NR6A1: variants seen among roughly 807,000 people sequenced by gnomAD.
NR6A1 encodes retinoic acid receptor-related testis-associated receptor.
NR6A1 carries 7 observed loss-of-function variants against 59.1 expected under a neutral mutation model. The ratio of observed to expected loss-of-function variants is 0.12; its 90% CI spans 0.07 to 0.22. The LOEUF (loss-of-function observed/expected upper bound fraction) is 0.22. Among genes scored for constraint, NR6A1 ranks in the 10% least tolerant of loss-of-function variants. The pLI, the probability that NR6A1 is intolerant of heterozygous loss-of-function variation, is 1.00. For missense variants in NR6A1, 468 were observed against 611.6 expected (o/e 0.77, Z 2.48); for synonymous variants, 243 against 236.1 (o/e 1.03, Z -0.27).
At chr9:124,644,413 G>A (rs1023894078) in intron 2 of NR6A1, among the ~76,000 whole-genome samples, 1 of 150,914 alleles carries the variant, frequency 6.6e-6, no homozygotes, top group African/African-American at 2.4e-5. Flanking sequence ...CACTACCCCG[G>A]CTAACTTTTT....
At chr9:124,663,310 G>C (rs1021629926) in intron 2 of NR6A1, among the ~76,000 whole-genome samples, 8 of 152,162 alleles carry the variant, frequency 5.3e-5, no homozygotes, top group African/African-American at 9.7e-5. Flanking sequence ...AAATAAATTG[G>C]ACGTGATAAA....
At chr9:124,672,544 G>A (rs1837827378) in intron 2 of NR6A1, among the ~76,000 whole-genome samples, 1 of 151,974 alleles carries the variant, frequency 6.6e-6, no homozygotes, top group Non-Finnish European at 1.5e-5. Flanking sequence ...GACCCTGGGA[G>A]GCAGAGGTTG....
At chr9:124,541,450 TTGTA>T (rs2131358746) in intron 4 of NR6A1, among the ~76,000 whole-genome samples, 1 of 152,266 alleles carries the variant, frequency 6.6e-6, no homozygotes, top group South Asian at 2.1e-4. Flanking sequence ...GTTATGTCTG[TTGTA>T]TGTAAAAGAA....
chr9:124,637,833 A>C (rs1035323931), intron 2 of NR6A1, among the ~76,000 whole-genome samples: 1 of 142,976 alleles, frequency 7.0e-6, no homozygotes, highest in Non-Finnish European at 1.5e-5. Context: ...CAGAAGTTGC[A>C]GTGAGCTGAG....
intron 2 of NR6A1, among the ~76,000 whole-genome samples, chr9:124,574,189 G>T (rs1440108604): frequency 1.3e-5 from 2 of 152,164 alleles, no homozygotes; most frequent in Admixed American, 6.5e-5. Context: ...CAAAGTAGGT[G>T]CTCAGAAATA....
chr9:124,530,768 A>C (rs1833077486), intron 7 of NR6A1, among the ~76,000 whole-genome samples: 1 of 152,256 alleles, frequency 6.6e-6, no homozygotes, highest in South Asian at 2.1e-4. Flanking sequence ...GACGAAAACT[A>C]AGACTAGTTT....
chr9:124,707,367 T>C (rs1839164421), intron 2 of NR6A1, among the ~76,000 whole-genome samples: 1 of 152,182 alleles, frequency 6.6e-6, no homozygotes, highest in African/African-American at 2.4e-5. Context: ...ATTGAAATTC[T>C]CTATGTACTA....
At chr9:124,541,550 G>A (rs1475726586) in intron 4 of NR6A1, among the ~76,000 whole-genome samples, 1 of 152,194 alleles carries the variant, frequency 6.6e-6, no homozygotes, top group Non-Finnish European at 1.5e-5. Context: ...GTAAGGATGT[G>A]AAGAAATGGA....
intron 1 of NR6A1, among the ~76,000 whole-genome samples, chr9:124,748,320 AG>A (rs1840392996): frequency 6.6e-6 from 1 of 152,166 alleles, no homozygotes; most frequent in Admixed American, 6.5e-5. Flanking sequence ...TGTGTATAAT[AG>A]GGGGTACAAA....
At chr9:124,604,181 G>A (rs190025903) in intron 2 of NR6A1, among the ~76,000 whole-genome samples, 2 of 152,222 alleles carry the variant, frequency 1.3e-5, no homozygotes, top group African/African-American at 4.8e-5. Context: ...CTAGGTCCTG[G>A]AGTCAGGAAC....
At chr9:124,606,779 T>A (rs939161764) in intron 2 of NR6A1, among the ~76,000 whole-genome samples, 3 of 152,230 alleles carry the variant, frequency 2.0e-5, no homozygotes, top group Admixed American at 1.3e-4. Context: ...GTATGTGCCA[T>A]CACCCGCTGG....
chr9:124,744,794 C>G (rs2131156661), intron 1 of NR6A1, among the ~76,000 whole-genome samples: 1 of 152,306 alleles, frequency 6.6e-6, no homozygotes, highest in East Asian at 1.9e-4. Context: ...GGTCAGAGAG[C>G]TTTCAAAGTC....
intron 2 of NR6A1, among the ~76,000 whole-genome samples, chr9:124,656,611 C>G (rs945705516): frequency 6.6e-6 from 1 of 152,072 alleles, no homozygotes; most frequent in Non-Finnish European, 1.5e-5. Flanking sequence ...GTGGGTGGAT[C>G]ACTTGAGATC....
At chr9:124,768,651 C>A (rs1325445505) in intron 1 of NR6A1, among the ~76,000 whole-genome samples, 1 of 152,146 alleles carries the variant, frequency 6.6e-6, no homozygotes, top group Non-Finnish European at 1.5e-5. Flanking sequence ...AAATGGATTG[C>A]TCGATAACAT....
chr9:124,660,796 G>A (rs1021986704), intron 2 of NR6A1, among the ~76,000 whole-genome samples: 1 of 152,034 alleles, frequency 6.6e-6, no homozygotes, highest in African/African-American at 2.4e-5. Context: ...TCACTACAGG[G>A]AACTTCATTC....
chr9:124,737,279 T>C (rs1422207145), intron 1 of NR6A1, among the ~76,000 whole-genome samples: 1 of 152,202 alleles, frequency 6.6e-6, no homozygotes, highest in East Asian at 1.9e-4. Flanking sequence ...GCTATTATGT[T>C]GTCTCTGGAT....
At chr9:124,553,071 G>C (rs931140421) in intron 3 of NR6A1, among the ~76,000 whole-genome samples, 3 of 152,144 alleles carry the variant, frequency 2.0e-5, no homozygotes, top group Admixed American at 1.3e-4. Flanking sequence ...ATCCCGTAGA[G>C]AACTCTGAAG....
chr9:124,580,340 A>T (rs1834726175), intron 2 of NR6A1, among the ~76,000 whole-genome samples: 1 of 152,218 alleles, frequency 6.6e-6, no homozygotes, highest in African/African-American at 2.4e-5. Context: ...AAATTACAGT[A>T]ATAGGGAACA....
At chr9:124,699,962 C>T (rs188799105) in intron 2 of NR6A1, among the ~76,000 whole-genome samples, 9 of 151,924 alleles carry the variant, frequency 5.9e-5, no homozygotes, top group South Asian at 2.1e-4. Context: ...GTTCAAGTAA[C>T]TCTCATGCCT....
Sources: allele counts gnomAD v4.1 joint callset (sites outside exome capture counted in the v4.1 genomes callset), GRCh38; gene constraint gnomAD v4.1.1; transcripts MANE v1.5; gene names NCBI Gene and HGNC (gene_info 2026-07-23, HGNC 2026-07-21).